INTU: variants seen among roughly 807,000 people sequenced by gnomAD.
INTU encodes the protein protein inturned.
In INTU, 68 loss-of-function variants were observed where a neutral mutation model predicts 100.5. The observed-to-expected ratio is 0.68, with a 90% CI of 0.56 to 0.83. The LOEUF (loss-of-function observed/expected upper bound fraction) is 0.83, where lower values mean the gene tolerates loss of function less well. Among genes scored for constraint, INTU ranks in the 40% least tolerant of loss-of-function variants. INTU has a pLI of 0.00. For synonymous variants in INTU, 357 were observed against 395.7 expected (o/e 0.90, Z 1.16); for missense variants, 1,071 against 1,114.7 (o/e 0.96, Z 0.56).
intron 9 of INTU, among the ~76,000 whole-genome samples, chr4:127,701,929 CTGTAA>C (rs1311852995): frequency 6.6e-6 from 1 of 152,030 alleles, no homozygotes; most frequent in Non-Finnish European, 1.5e-5. Flanking sequence ...GGTGTTTTGT[CTGTAA>C]AAATAATAGA....
Position 127,685,330 on chromosome 4 carries a change from T to A in INTU, c.1259+844T>A, listed in dbSNP as rs75713660. On this transcript the variant is annotated intron_variant, in intron 7 of 15. Coordinates refer to ENST00000335251, the MANE Select transcript of INTU (RefSeq NM_015693.4). ...AATGGTATCTTTATGTTTAAAGCCT[T>A]AGGAGTATATCAGTACAAAAATCCA... 2.6e-3 allele frequency: 853 copies of A among 329,080 alleles called. 9 individuals carry two copies. The highest frequency in any genetic ancestry group is 0.018 in the African/African-American group (820 of 45,906). 20.4% of individuals were successfully genotyped at this position (329,080 alleles called of 1,614,324 possible).
intron 1 of INTU, among the ~76,000 whole-genome samples, chr4:127,643,107 G>C (rs1262055818): frequency 6.6e-6 from 1 of 152,094 alleles, no homozygotes; most frequent in Non-Finnish European, 1.5e-5. Context: ...ATTTCCAAAT[G>C]GCATGCTTGT....
chr4:127,716,173 T>C (rs1731255602), intron 15 of INTU, 152 bp from the exon 16 acceptor site: 2 of 445,788 alleles, frequency 4.5e-6, no homozygotes, highest in Non-Finnish European at 4.0e-6. Context: ...GAAATAAATC[T>C]AGCTGCTTTC....
At chr4:127,669,888 T>G (rs1362726024) in intron 5 of INTU, among the ~76,000 whole-genome samples, 3 of 151,894 alleles carry the variant, frequency 2.0e-5, no homozygotes, top group Non-Finnish European at 4.4e-5. Context: ...TTCTGGACAT[T>G]GGCCTAGGCA....
intron 4 of INTU, among the ~76,000 whole-genome samples, chr4:127,666,153 A>G (rs2126202961): frequency 6.6e-6 from 1 of 152,064 alleles, no homozygotes; most frequent in East Asian, 1.9e-4. Context: ...TTATTTTTAG[A>G]AGTTTCTGAA....
In INTU at chr4:127,643,964, GA is replaced by G; in HGVS notation, c.592del (p.Arg198GlufsTer23). The stretch of plus-strand genomic sequence containing the variant: ...ATTCATCAGACCAAGTGGAGCTGGA[GA>G]AGAACCGGAAAGCAGGGTGATGGAG... ...GIIHQTKWSW[R>X]RTGKQGDGER... On this transcript the variant is annotated frameshift_variant, in exon 2 of 16. Coordinates refer to ENST00000335251, the MANE Select transcript of INTU (RefSeq NM_015693.4). LOFTEE classifies it high-confidence loss of function. 6.2e-7 allele frequency: 1 copy of G among 1,614,190 alleles called. No homozygotes were observed. The highest frequency in any genetic ancestry group is 8.5e-7 in the Non-Finnish European group (1 of 1,180,030).
chr4:127,682,751 A>C (rs945796846), intron 6 of INTU, among the ~76,000 whole-genome samples: 1 of 151,962 alleles, frequency 6.6e-6, no homozygotes, highest in Non-Finnish European at 1.5e-5. Flanking sequence ...TATAATAATA[A>C]TAAAATAAAA....
chr4:127,663,286 A>ACAC, intron 3 of INTU, 95 bp from the exon 4 acceptor site: 1 of 812,962 alleles, frequency 1.2e-6, no homozygotes, highest in Non-Finnish European at 2.0e-6. Flanking sequence ...TACTGTACAT[A>ACAC]CCTGGGTGTA....
chr4:127,666,597 T>A (rs907530060), intron 4 of INTU, among the ~76,000 whole-genome samples: 7 of 152,118 alleles, frequency 4.6e-5, no homozygotes, highest in African/African-American at 1.7e-4. Context: ...TGCTTCTGTC[T>A]TTCTGCCCAC....
At chr4:127,649,588 A>G (rs779539364) in intron 2 of INTU, among the ~76,000 whole-genome samples, 7 of 152,080 alleles carry the variant, frequency 4.6e-5, no homozygotes, top group Non-Finnish European at 5.9e-5. Flanking sequence ...AAATGCTCCA[A>G]TGAGCATTTC....
chr4:127,644,089 TAC>T (rs760871608), intron 2 of INTU, 33 bp downstream of exon 2: 2 of 1,573,048 alleles, frequency 1.3e-6, no homozygotes, highest in South Asian at 2.3e-5. Flanking sequence ...CATCCCTGTT[TAC>T]AGAGATCTTG....
intron 1 of INTU, among the ~76,000 whole-genome samples, chr4:127,640,538 GATACATATATATAT>G (rs1199175696): frequency 3.0e-4 from 21 of 70,364 alleles, no homozygotes; most frequent in African/African-American, 1.3e-3. Flanking sequence ...TTTGGGTAAA[GATACATATATATAT>G]ATATATATAT....
At chr4:127,687,564 A>C in intron 7 of INTU, 114 bp from the exon 8 acceptor site, 1 of 733,374 alleles carries the variant, frequency 1.4e-6, no homozygotes, top group South Asian at 2.0e-5. Flanking sequence ...GAAGGAAGAG[A>C]GGAGTGAGGA....
intron 2 of INTU, among the ~76,000 whole-genome samples, chr4:127,655,015 C>T (rs1477929867): frequency 6.6e-6 from 1 of 151,884 alleles, no homozygotes; most frequent in East Asian, 1.9e-4. Context: ...TTGATTGCAT[C>T]GGCTCCTGAG....
rs746894186 is a variant in INTU at position 127,718,650 on chromosome 4, C to G, written c.*2214C>G. 1.3e-5 allele frequency: 2 copies of G among 152,088 alleles called. No homozygotes were observed. The highest frequency in any genetic ancestry group is 2.9e-5 in the Non-Finnish European group (2 of 68,016). 9.4% of individuals were successfully genotyped at this position (152,088 alleles called of 1,614,324 possible). ...ATTTTTCCATTTGTTTGTGTCCTCT[C>G]TGGTTTCCTTGAGCCGTGGTTTGTA... On this transcript the variant is annotated 3_prime_UTR_variant, in exon 16 of 16. Transcript: ENST00000335251.
Position 127,643,566 on chromosome 4 carries a change from G to T in INTU, c.192G>T (p.Glu64Asp). Residue 64 changes from glutamate to aspartate, a missense_variant, in exon 2 of 16, where the codon GAG becomes GAT. Transcript: ENST00000335251. ...EWLDSVQKNG[E>D]LFYLELSEDE... ...TGGACAGTGTGCAGAAAAATGGAGAGCTGTTTTATTTGGAATTGAGTGAGG... is the reference window on the plus strand; with the variant it reads ...TGGACAGTGTGCAGAAAAATGGAGATCTGTTTTATTTGGAATTGAGTGAGG... 1 of 1,608,822 alleles carries T rather than the reference G, an allele frequency of 6.2e-7. No homozygotes were observed. The highest frequency in any genetic ancestry group is 1.7e-5 in the Admixed American group (1 of 58,200).
chr4:127,706,442 T>C, intron 11 of INTU, 45 bp from the exon 12 acceptor site: 1 of 1,496,896 alleles, frequency 6.7e-7, no homozygotes, highest in East Asian at 2.3e-5. Context: ...TATGTAAATA[T>C]TTTCATGGTA....
chr4:127,634,823 T>C (rs1726997996), intron 1 of INTU, among the ~76,000 whole-genome samples: 1 of 152,202 alleles, frequency 6.6e-6, no homozygotes, highest in Admixed American at 6.5e-5. Flanking sequence ...TTGCTGAACT[T>C]ACCAGGAAGG....
At position 127,719,560 on chromosome 4, in the gene INTU, T is replaced by G. The variant is rs954712071; in HGVS notation, c.*3124T>G. 6.6e-6 allele frequency: 1 copy of G among 152,154 alleles called. No individual in the cohort carries two copies. The highest frequency in any genetic ancestry group is 2.4e-5 in the African/African-American group (1 of 41,456). 9.4% of individuals were successfully genotyped at this position (152,154 alleles called of 1,614,324 possible). A position where few individuals can be genotyped will look rare whatever the true frequency, so the allele number is the denominator to read the frequency against. On this transcript the variant is annotated 3_prime_UTR_variant, in exon 16 of 16. Transcript: ENST00000335251. ...TGGAATAGTTTCAGAAGAAGTGGTA[T>G]CAGCTTCTTTTTGTATTTCTGGCAG...
Sources: allele counts gnomAD v4.1 joint callset (sites outside exome capture counted in the v4.1 genomes callset), GRCh38; gene constraint gnomAD v4.1.1; transcripts MANE v1.5; gene names NCBI Gene and HGNC (gene_info 2026-07-23, HGNC 2026-07-21).